The following UBR4 variants were observed in gnomAD, a reference collection of about 807,000 sequenced individuals.
The protein encoded by UBR4 is E3 ubiquitin-protein ligase UBR4.
Under a neutral mutation model 575.6 loss-of-function variants are expected in UBR4, and 124 were observed. That is an observed-to-expected ratio of 0.22 (90% CI 0.19 to 0.25). The LOEUF (loss-of-function observed/expected upper bound fraction) is 0.25, where lower values mean the gene tolerates loss of function less well. Among genes scored for constraint, UBR4 ranks in the 10% least tolerant of loss-of-function variants. The probability of loss-of-function intolerance (pLI) is 1.00; values close to 1 mark genes in which losing one functional copy is unlikely to be tolerated. For missense variants in UBR4, 4,818 were observed against 6,478.8 expected (o/e 0.74, Z 8.80); for synonymous variants, 2,455 against 2,473.7 (o/e 0.99, Z 0.22).
At position 19,092,928 on chromosome 1, in the gene UBR4, A is replaced by AAAGG; in HGVS notation, c.14112-14_14112-11dup. 6.2e-7 allele frequency: 1 copy of AAAGG among 1,611,726 alleles called. No individual in the cohort carries two copies. The highest frequency in any genetic ancestry group is 8.5e-7 in the Non-Finnish European group (1 of 1,179,072). On this transcript the variant is annotated splice_polypyrimidine_tract_variant and intron_variant, in intron 96 of 105. Transcript: ENST00000375254. Reference sequence around the variant, plus strand: ...GATGTCGGCATCCAAACTGCAAAGCAAAGGAAGGCTTATTAGCAGGCCAGG... The same window carrying AAAGG: ...GATGTCGGCATCCAAACTGCAAAGCAAAGGAAGGAAGGCTTATTAGCAGGCCAGG...
chr1:19,193,768 C>T (rs1191538675), intron 8 of UBR4, among the ~76,000 whole-genome samples: 5 of 152,084 alleles, frequency 3.3e-5, no homozygotes, highest in African/African-American at 7.2e-5. Context: ...CTTACACGCG[C>T]GCACACACAC....
At chr1:19,145,713 T>C (rs2084770951) in intron 53 of UBR4, 80 bp downstream of exon 53, 2 of 1,485,724 alleles carry the variant, frequency 1.3e-6, no homozygotes, top group East Asian at 2.3e-5. Context: ...TGAAAGCTAA[T>C]GGCTAACGGT....
At position 19,141,702 on chromosome 1, in the gene UBR4, A is replaced by G; in HGVS notation, c.8255T>C (p.Ile2752Thr). The G allele has an allele frequency of 1.2e-6, 2 of 1,614,206 alleles. No homozygotes were observed. Among genetic ancestry groups the G allele is most frequent in the Non-Finnish European group, 1.7e-6 (2 of 1,180,028 alleles). Residue 2752 changes from isoleucine to threonine, a missense_variant, in exon 56 of 106, where the codon ATC becomes ACC. Coordinates refer to ENST00000375254, the MANE Select transcript of UBR4 (RefSeq NM_020765.3). ...QSSGIPNGGH[I>T]RQESQEQSEV... Reference sequence around the variant, plus strand: ...ACTCTGTTCCTGGCTTTCCTGACGGATGTGACCACCATTCGGGATCCCTGA... The same window carrying G: ...ACTCTGTTCCTGGCTTTCCTGACGGGTGTGACCACCATTCGGGATCCCTGA...
chr1:19,162,787 G>C (rs1319556019), intron 34 of UBR4, among the ~76,000 whole-genome samples, 176 bp from the exon 35 acceptor site: 1 of 152,146 alleles, frequency 6.6e-6, no homozygotes, highest in Non-Finnish European at 1.5e-5. Context: ...CCACGTAGCT[G>C]GTCAGTAAAT....
chr1:19,183,817 G>A lies in UBR4; in HGVS notation c.2178C>T (p.Asn726=). Residue 726 remains asparagine (N), a synonymous_variant, in exon 17 of 106, where the codon AAC becomes AAT. Transcript: ENST00000375254. ...GGTCACAGCACACACAAACCTGCAG[G>A]TTAGGTGACTGAAGGTCAGAGGTTA... The part of the protein sequence containing the change: ...SLVTSDLQSP[N]LQNTLLQQLG... 1 of 1,614,130 alleles carries A rather than the reference G, an allele frequency of 6.2e-7. No homozygotes were observed. The highest frequency in any genetic ancestry group is 8.5e-7 in the Non-Finnish European group (1 of 1,179,986).
At chr1:19,112,889 T>C (rs2080054296) in intron 77 of UBR4, 22 bp from the exon 78 acceptor site, 5 of 1,532,584 alleles carry the variant, frequency 3.3e-6, no homozygotes, top group Non-Finnish European at 4.4e-6. Context: ...AAGGCAACAA[T>C]AATGGGAATT....
At chr1:19,170,969 C>T in intron 25 of UBR4, 86 bp from the exon 26 acceptor site, 1 of 1,580,194 alleles carries the variant, frequency 6.3e-7, no homozygotes. Context: ...GCTGAAAACC[C>T]TATATCTCAG....
chr1:19,150,153 C>T (rs779003967), intron 49 of UBR4, among the ~76,000 whole-genome samples: 7 of 152,138 alleles, frequency 4.6e-5, no homozygotes, highest in Admixed American at 4.6e-4. Flanking sequence ...GCCTCTCTTG[C>T]TGGCAATGTT....
chr1:19,184,296 T>C (rs547593864), intron 15 of UBR4, 121 bp from the exon 16 acceptor site: 116 of 1,087,026 alleles, frequency 1.1e-4, no homozygotes, highest in Non-Finnish European at 1.4e-4. Context: ...ACACAATGAA[T>C]GAAAGAATCA....
chr1:19,179,177 C>A lies in UBR4; in HGVS notation c.2228G>T (p.Gly743Val), dbSNP rs746669308. ...QQLGVAPFSE[G>V]PWPLYIHPQS... ...AGGGTGAATGTACAAGGGCCAAGGG[C>A]CCTCAGAAAAAGGAGCCACTCCTAG... Residue 743 changes from glycine to valine, a missense_variant, in exon 18 of 106, where the codon GGC (glycine) becomes GTC (valine). Physicochemically the swap from Gly to Val is moderately radical, Grantham distance 109. Transcript: ENST00000375254. 1.9e-6 allele frequency: 3 copies of A among 1,591,556 alleles called. No individual in the cohort carries two copies. The highest frequency in any genetic ancestry group is 2.6e-6 in the Non-Finnish European group (3 of 1,174,392).
chr1:19,184,094 G>C lies in UBR4; in HGVS notation c.2020C>G (p.Leu674Val). Reference protein sequence around the residue: ...NSRNNFIRNYLSVSLSEHHMA... With the variant: ...NSRNNFIRNYVSVSLSEHHMA... Reference sequence around the variant, plus strand: ...TGGTGTTCTGAAAGAGATACACTCAGATAGTTTCGGATAAAATTGTTCCGA... The same window carrying C: ...TGGTGTTCTGAAAGAGATACACTCACATAGTTTCGGATAAAATTGTTCCGA... Residue 674 changes from leucine to valine, a missense_variant, in exon 16 of 106, where the codon CTG becomes GTG. Leu to Val is a conservative substitution (Grantham distance 32). This residue lies in a region of UBR4 where 1,172 missense variants were observed against 1,259.7 expected (regional missense o/e 0.93). Transcript: ENST00000375254. 6.2e-7 allele frequency: 1 copy of C among 1,614,180 alleles called. No individual in the cohort carries two copies. The highest frequency in any genetic ancestry group is 8.5e-7 in the Non-Finnish European group (1 of 1,180,022).
Position 19,139,062 on chromosome 1 carries a change from A to AC in UBR4, c.8731+20dup, listed in dbSNP as rs1409742370. 6.3e-7 allele frequency: 1 copy of AC among 1,593,796 alleles called. No individual in the cohort carries two copies. The highest frequency in any genetic ancestry group is 8.6e-7 in the Non-Finnish European group (1 of 1,167,794). The stretch of plus-strand genomic sequence containing the variant: ...CCCACCCTCTGCCCAAGGAGACAGG[A>AC]CCCCCGCCATGGCACATTACCACTG... On this transcript the variant is annotated intron_variant, in intron 59 of 105. Transcript: ENST00000375254. This position sits in a 1 kb window ranked among gnomAD's most constrained non-coding sequence, Gnocchi z 4.2.
At chr1:19,199,611 T>C (rs754544261) in intron 3 of UBR4, 40 bp downstream of exon 3, 6 of 1,587,664 alleles carry the variant, frequency 3.8e-6, no homozygotes, top group Non-Finnish European at 4.3e-6. Flanking sequence ...GTCACAACAC[T>C]GCTTCAGAAT....
chr1:19,185,390 C>T (rs1369684372), intron 14 of UBR4, 104 bp from the exon 15 acceptor site: 2 of 1,145,242 alleles, frequency 1.7e-6, no homozygotes, highest in Non-Finnish European at 2.4e-6. Context: ...ACAAGGATAT[C>T]CCAATTGTGA....
intron 1 of UBR4, among the ~76,000 whole-genome samples, chr1:19,205,986 CAG>C (rs1263038661): frequency 6.6e-6 from 1 of 152,170 alleles, no homozygotes; most frequent in African/African-American, 2.4e-5. Context: ...GTATCTTGCA[CAG>C]AGTTAAGAAA....
At chr1:19,203,598 G>T (rs1052399518) in intron 1 of UBR4, among the ~76,000 whole-genome samples, 12 of 152,116 alleles carry the variant, frequency 7.9e-5, no homozygotes, top group African/African-American at 1.9e-4. Flanking sequence ...AATGAACACA[G>T]GAGCCAAAAG....
chr1:19,155,735 G>T, intron 42 of UBR4, 67 bp from the exon 43 acceptor site: 1 of 1,394,976 alleles, frequency 7.2e-7, no homozygotes. Context: ...ATATCTTAGT[G>T]AATCCAAATA....
At chr1:19,104,495 G>A in intron 86 of UBR4, 90 bp downstream of exon 86, 1 of 1,419,276 alleles carries the variant, frequency 7.0e-7, no homozygotes, top group South Asian at 1.2e-5. Flanking sequence ...GTACCAGAGA[G>A]AAGAGAGTCA....
At position 19,161,829 on chromosome 1, in the gene UBR4, A is replaced by G. The variant is rs1357377272; in HGVS notation, c.5025T>C (p.His1675=). ...TITQKEFMNQ[H]WYHCHTCKMV... is the part of the protein sequence containing the mutation. Reference sequence around the variant, plus strand: ...CTTAAAGGAAGAACTACCCTTACCAATGCTGGTTCATGAATTCTTTCTGTG... The same window carrying G: ...CTTAAAGGAAGAACTACCCTTACCAGTGCTGGTTCATGAATTCTTTCTGTG... Residue 1675 remains histidine (H), a splice_region_variant and synonymous_variant, in exon 36 of 106, where the codon CAT becomes CAC. Coordinates refer to ENST00000375254, the MANE Select transcript of UBR4 (RefSeq NM_020765.3). The G allele has an allele frequency of 1.9e-6, 3 of 1,614,128 alleles. No individual in the cohort carries two copies. The highest frequency in any genetic ancestry group is 1.7e-5 in the Admixed American group (1 of 60,010).
Sources: gnomAD v4.1 joint callset for allele counts (sites outside exome capture counted in the v4.1 genomes callset) on GRCh38, gnomAD v4.1.1 for gene constraint, gnomAD v4.1.1 regional missense constraint, Gnocchi (gnomAD v3.1) non-coding constraint, MANE v1.5 for transcripts, NCBI Gene and HGNC (gene_info 2026-07-23, HGNC 2026-07-21) for gene names.